FTCD: variants seen among roughly 807,000 people sequenced by gnomAD.
The protein encoded by FTCD is formimidoyltransferase-cyclodeaminase.
Under a neutral mutation model 62.9 loss-of-function variants are expected in FTCD, and 76 were observed. The observed-to-expected ratio is 1.21, with a 90% CI of 1.00 to 1.46. The LOEUF (loss-of-function observed/expected upper bound fraction) is 1.46. Ranked by LOEUF, FTCD falls within the 40% of genes most tolerant of loss-of-function variation. The pLI is 0.00. For missense variants in FTCD, 845 were observed against 751.3 expected (o/e 1.12, Z -1.46); for synonymous variants, 397 against 336.9 (o/e 1.18, Z -1.95).
intron 10 of FTCD, 127 bp from the exon 11 acceptor site, chr21:46,139,050 C>A: frequency 9.1e-6 from 7 of 771,744 alleles, no homozygotes; most frequent in Middle Eastern, 4.7e-4. Flanking sequence ...GGGAACCAAG[C>A]TTCTGTTGGG....
At chr21:46,140,910 C>A in intron 10 of FTCD, among the ~76,000 whole-genome samples, 1 of 151,802 alleles carries the variant, frequency 6.6e-6, no homozygotes, top group South Asian at 2.1e-4. Context: ...CAATCCAGCA[C>A]TCCCCGTCCA....
chr21:46,153,178 G>A, intron 2 of FTCD, 143 bp from the exon 3 acceptor site: 2 of 832,152 alleles, frequency 2.4e-6, no homozygotes, highest in Non-Finnish European at 1.8e-6. Flanking sequence ...TGACCCACAG[G>A]GAGGAGGCCG....
At chr21:46,151,399 A>G (rs1399224020) in intron 5 of FTCD, among the ~76,000 whole-genome samples, 159 bp downstream of exon 5, 2 of 152,202 alleles carry the variant, frequency 1.3e-5, no homozygotes, top group East Asian at 3.9e-4. Context: ...CGGTCCCCGC[A>G]CGGTGTGGAC....
At chr21:46,152,319 A>C in intron 3 of FTCD, 65 of 272,224 alleles carry the variant, frequency 2.4e-4, no homozygotes, top group East Asian at 6.2e-4. Context: ...CATAAATATA[A>C]CGGCAGAGAA....
intron 11 of FTCD, 98 bp downstream of exon 11, chr21:46,138,782 G>A (rs2123483018): frequency 1.4e-6 from 2 of 1,420,746 alleles, no homozygotes; most frequent in Non-Finnish European, 2.0e-6. Flanking sequence ...GCACGCCCAG[G>A]CCAACCACGC....
chr21:46,139,735 C>A (rs1480380928), intron 10 of FTCD, among the ~76,000 whole-genome samples: 1 of 152,216 alleles, frequency 6.6e-6, no homozygotes, highest in Non-Finnish European at 1.5e-5. Flanking sequence ...CAGTGTCTCC[C>A]TGACTGGCTG....
downstream of FTCD, chr21:46,136,300 G>C: frequency 4.3e-6 from 3 of 696,904 alleles, no homozygotes; most frequent in Middle Eastern, 2.5e-4. Context: ...AACTTCTCTG[G>C]AGACAGGAGG....
chr21:46,153,109 C>G, intron 2 of FTCD, 74 bp from the exon 3 acceptor site: 5 of 1,450,220 alleles, frequency 3.4e-6, no homozygotes, highest in Middle Eastern at 4.8e-4. Flanking sequence ...GTTCTCGGAC[C>G]CTCTGTCCTC....
intron 1 of FTCD, 127 bp from the exon 2 acceptor site, chr21:46,154,459 T>G: frequency 8.5e-7 from 1 of 1,172,638 alleles, no homozygotes; most frequent in Non-Finnish European, 1.2e-6. Context: ...TTGGGGGCTC[T>G]CCGACAAGCT....
chr21:46,149,558 C>A (rs1313821106), intron 7 of FTCD, among the ~76,000 whole-genome samples: 1 of 152,022 alleles, frequency 6.6e-6, no homozygotes, highest in Non-Finnish European at 1.5e-5. Context: ...CAGACCAAGG[C>A]GGACAGCGGC....
chr21:46,144,358 T>C (rs1043228969), intron 10 of FTCD, among the ~76,000 whole-genome samples: 1 of 126,674 alleles, frequency 7.9e-6, no homozygotes, highest in Non-Finnish European at 1.7e-5. Context: ...GGCTGGCCCC[T>C]ACACCTCTCT....
In FTCD at chr21:46,136,981, G is replaced by A. The variant is rs1241538782; in HGVS notation, c.*6C>T. 6.2e-6 allele frequency: 10 copies of A among 1,612,940 alleles called. No individual in the cohort carries two copies. The highest frequency in any genetic ancestry group is 7.6e-6 in the Non-Finnish European group (9 of 1,179,970). On this transcript the variant is annotated 3_prime_UTR_variant, in exon 14 of 14. Transcript: ENST00000397746. ...GCCACAGAGCCCGGAGAGGCCTCCC[G>A]CACCGTCACTCCTGCCGGGTCTCCA... is the stretch of plus-strand genomic sequence containing the variant.
Position 46,139,396 on chromosome 21 carries a change from C to G in FTCD, c.1261-473G>C, listed in dbSNP as rs562485521. Among the ~76,000 whole-genome samples the G allele has an allele frequency of 7.4e-4, 112 of 152,308 alleles. 1 individual carries two copies. In the Middle Eastern group the frequency reaches 0.017, roughly 23 times the overall value. On this transcript the variant is annotated intron_variant, in intron 10 of 13. Transcript: ENST00000397746. ...CACAGGCACTGGCCTTTCCTAGGTGCTCATGTGTGTAGCTCACGGCGTCAC... is the reference window on the plus strand; with the variant it reads ...CACAGGCACTGGCCTTTCCTAGGTGGTCATGTGTGTAGCTCACGGCGTCAC...
In FTCD at chr21:46,145,531, G is replaced by A. The variant is rs1223828710; in HGVS notation, c.1146C>T (p.Arg382=). ...SMVGLMTYGR[R]QFQSLDTTMR... is the part of the protein sequence containing the mutation. ...TCGTCGTGTCCAGGGACTGGAATTG[G>A]CGCCGCCCGTAGGTCATGAGGCCCA... Residue 382 remains arginine, a synonymous_variant, in exon 10 of 14, where the codon CGC becomes CGT. Transcript: ENST00000397746. The A allele has an allele frequency of 1.3e-6, 2 of 1,547,358 alleles. No individual in the cohort carries two copies. The highest frequency in any genetic ancestry group is 1.7e-6 in the Non-Finnish European group (2 of 1,145,816).
At chr21:46,136,652 C>G (rs939288148), downstream of FTCD, 14 of 1,475,948 alleles carry the variant, frequency 9.5e-6, no homozygotes, top group Non-Finnish European at 1.3e-5. Context: ...TCTGTCTCCT[C>G]ACGCTGCAAC....
chr21:46,154,153 G>A lies in FTCD; in HGVS notation c.234C>T (p.His78=). The change falls in exon 2 of 14, where the codon CAC becomes CAT. Residue 78 remains histidine (H), a synonymous_variant. Coordinates refer to ENST00000397746, the MANE Select transcript of FTCD (RefSeq NM_206965.2). ...VASRLIDMSR[H]QGEHPRMGAL... is the part of the protein sequence containing the mutation. ...AGGAGAGCCCAGAGACCTCACCTTG[G>A]TGCCTGCTCATGTCGATAAGTCGGG... is the stretch of plus-strand genomic sequence containing the variant. 1 of 1,612,794 alleles carries A rather than the reference G, an allele frequency of 6.2e-7. No individual in the cohort carries two copies. The highest frequency in any genetic ancestry group is 8.5e-7 in the Non-Finnish European group (1 of 1,179,942).
At position 46,138,913 on chromosome 21, in the gene FTCD, C is replaced by T. The variant is rs779369991; in HGVS notation, c.1271G>A (p.Arg424Lys). The change falls in exon 11 of 14, where the codon AGG (arginine) becomes AAG (lysine). Residue 424 changes from arginine to lysine, a missense_variant. Coordinates refer to ENST00000397746, the MANE Select transcript of FTCD (RefSeq NM_206965.2). The stretch of plus-strand genomic sequence containing the variant: ...TTCCTCAGGTGTGTTCTTGGGGAGC[C>T]TCATTGCTTCCTGCCATAAAGAGAC... ...EAFTAYLEAMRLPKNTPEEKD... is the reference protein window; with the variant it reads ...EAFTAYLEAMKLPKNTPEEKD... 2 of 1,613,022 alleles carry T rather than the reference C, an allele frequency of 1.2e-6. No homozygotes were observed. Among genetic ancestry groups the T allele is most frequent in the Middle Eastern group, 1.7e-4 (1 of 6,060 alleles).
At position 46,146,207 on chromosome 21, in the gene FTCD, A is replaced by C. The variant is rs572833594; in HGVS notation, c.968+59T>G. On this transcript the variant is annotated intron_variant, in intron 8 of 13. Transcript: ENST00000397746. ...CCACGCAGGGACCCCAGCGCCCCGC[A>C]AGGCCCGAGAGGCAGAGCCCGGGAG... 6 of 1,255,808 alleles carry C rather than the reference A, an allele frequency of 4.8e-6. No individual in the cohort carries two copies. In the African/African-American group the frequency reaches 8.8e-5, roughly 18 times the overall value. The allele number at this position is 1,255,808 out of a possible 1,614,324, so 77.8% of individuals were successfully genotyped here.
intron 10 of FTCD, among the ~76,000 whole-genome samples, chr21:46,141,851 G>T (rs941440035): frequency 6.6e-6 from 1 of 152,230 alleles, no homozygotes; most frequent in African/African-American, 2.4e-5. Context: ...TGCTTAACCT[G>T]CCCGGTAATG....
Sources: allele counts gnomAD v4.1 joint callset (sites outside exome capture counted in the v4.1 genomes callset), GRCh38; gene constraint gnomAD v4.1.1; transcripts MANE v1.5; gene names NCBI Gene and HGNC (gene_info 2026-07-23, HGNC 2026-07-21).